Variants in GARNL3 observed in about 807,000 individuals in gnomAD.
GARNL3 encodes GTPase-activating Rap/Ran-GAP domain-like protein 3.
A neutral mutation model predicts 125.0 loss-of-function variants in GARNL3; 63 were observed. That is an observed-to-expected ratio of 0.50 (90% CI 0.41 to 0.62). GARNL3 has a LOEUF of 0.62. Ranked by LOEUF, GARNL3 falls within the 20% of genes least tolerant of loss-of-function variation. The pLI is 0.00. For synonymous variants in GARNL3, 439 were observed against 457.5 expected (o/e 0.96, Z 0.52); for missense variants, 994 against 1,244.0 (o/e 0.80, Z 3.02).
rs190598533 is a variant in GARNL3 at position 127,226,815 on chromosome 9, C to A, written c.-29+2477C>A. ...GATAACGGTCTCTGTGCTCATGGTG[C>A]TTACATGCTTGTTGCTGGAGCATGA... is the stretch of plus-strand genomic sequence containing the variant. On this transcript the variant is annotated intron_variant, in intron 1 of 10. Coordinates refer to the GARNL3 transcript ENST00000439286. Among the ~76,000 whole-genome samples, 210 of 152,336 alleles carry A rather than the reference C, an allele frequency of 1.4e-3. 1 individual carries two copies. Among genetic ancestry groups the A allele is most frequent in the Admixed American group, 0.011 (172 of 15,302 alleles).
chr9:127,334,645 G>A (rs945908725), intron 9 of GARNL3, among the ~76,000 whole-genome samples: 1 of 152,176 alleles, frequency 6.6e-6, no homozygotes, highest in Non-Finnish European at 1.5e-5. Context: ...GATACAGCCA[G>A]GCATTCTGCT....
Position 127,338,152 on chromosome 9 carries a change from A to G in GARNL3, c.1019A>G (p.Asp340Gly). 2 of 1,610,280 alleles carry G rather than the reference A, an allele frequency of 1.2e-6. No homozygotes were observed. The highest frequency in any genetic ancestry group is 1.3e-5 in the African/African-American group (1 of 74,976). ...TTAGTGAGATACAATCAACAAAATG[A>G]CAATTACAGGTAGGTAATGACTTTG... is the stretch of plus-strand genomic sequence containing the variant. Reference protein sequence around the residue: ...FALVRYNQQNDNYRLKIFSEE... With the variant: ...FALVRYNQQNGNYRLKIFSEE... The change falls in exon 12 of 28, where the codon GAC becomes GGC. Residue 340 changes from aspartate to glycine, a missense_variant. This residue lies in a region of GARNL3 where 728 missense variants were observed against 865.7 expected (regional missense o/e 0.84). Transcript: ENST00000373387.
In GARNL3 at chr9:127,392,183, A is replaced by G. The variant is rs2131851478; in HGVS notation, c.2871-900A>G. Among the ~76,000 whole-genome samples, 1 of 152,382 alleles carries G rather than the reference A, an allele frequency of 6.6e-6. No homozygotes were observed. Among genetic ancestry groups the G allele is most frequent in the Middle Eastern group, 3.4e-3 (1 of 294 alleles). ...GAGGCTGAGCCTCCTCTCAGAAGTC[A>G]TAACCTGACAAGGCCCCTGCCCTCA... On this transcript the variant is annotated intron_variant, in intron 27 of 27. Transcript: ENST00000373387. The surrounding 1 kb of genome is among the most constrained non-coding windows in gnomAD (Gnocchi z 5.2).
intron 1 of GARNL3, among the ~76,000 whole-genome samples, chr9:127,234,420 G>A (rs771011994): frequency 2.6e-5 from 4 of 152,152 alleles, no homozygotes; most frequent in Non-Finnish European, 5.9e-5. Flanking sequence ...TGAGACTCAC[G>A]GCTGGTTTTC....
At chr9:127,324,790 A>C (rs2065514765) in intron 6 of GARNL3, among the ~76,000 whole-genome samples, 1 of 152,338 alleles carries the variant, frequency 6.6e-6, no homozygotes, top group Admixed American at 6.5e-5. Context: ...GCCCAAACAC[A>C]GTTAAGAATG....
At chr9:127,377,065 A>G (rs1434264220) in intron 22 of GARNL3, among the ~76,000 whole-genome samples, 1 of 152,232 alleles carries the variant, frequency 6.6e-6, no homozygotes, top group Non-Finnish European at 1.5e-5. Context: ...CTCCATAAAT[A>G]TCTGCTAAGT....
chr9:127,369,763 C>T (rs771673063), intron 22 of GARNL3, among the ~76,000 whole-genome samples: 3 of 152,072 alleles, frequency 2.0e-5, no homozygotes, highest in Admixed American at 6.5e-5. Flanking sequence ...AAAAGAGAGG[C>T]GGGATGTAAT....
chr9:127,358,485 C>T (rs1191118839), intron 21 of GARNL3, among the ~76,000 whole-genome samples: 2 of 152,182 alleles, frequency 1.3e-5, no homozygotes, highest in East Asian at 3.8e-4. Context: ...CAGAATTCTT[C>T]CAATTATGCT....
At position 127,266,583 on chromosome 9, in the gene GARNL3, C is replaced by T. The variant is rs2063710847; in HGVS notation, c.144+1562C>T. Among the ~76,000 whole-genome samples the T allele has an allele frequency of 6.6e-6, 1 of 152,188 alleles. No individual in the cohort carries two copies. Among genetic ancestry groups the T allele is most frequent in the African/African-American group, 2.4e-5 (1 of 41,440 alleles). ...TTTCATCATTCACTAATTGTATGATCTTGGACTTCCTTTAGCATCAGTTTT... is the reference window on the plus strand; with the variant it reads ...TTTCATCATTCACTAATTGTATGATTTTGGACTTCCTTTAGCATCAGTTTT... On this transcript the variant is annotated intron_variant, in intron 1 of 27. Transcript: ENST00000373387. This position sits in a 1 kb window ranked among gnomAD's most constrained non-coding sequence, Gnocchi z 4.0.
chr9:127,365,079 G>A, intron 21 of GARNL3: 1 of 494,134 alleles, frequency 2.0e-6, no homozygotes, highest in East Asian at 3.3e-5. Flanking sequence ...AAAGAATGGA[G>A]AGACTTTTCT....
intron 6 of GARNL3, among the ~76,000 whole-genome samples, chr9:127,323,743 T>G (rs1412678987): frequency 9.3e-6 from 1 of 107,924 alleles, no homozygotes; most frequent in Non-Finnish European, 1.8e-5. Flanking sequence ...CAGGAACAAT[T>G]AAACTGCACC....
At chr9:127,284,761 A>ATG (rs2064199778) in intron 1 of GARNL3, among the ~76,000 whole-genome samples, 1 of 149,070 alleles carries the variant, frequency 6.7e-6, no homozygotes, top group African/African-American at 2.5e-5. Flanking sequence ...AAATATATGC[A>ATG]TATAAATAAA....
intron 22 of GARNL3, among the ~76,000 whole-genome samples, chr9:127,379,907 C>T (rs1434599670): frequency 2.0e-5 from 3 of 152,108 alleles, no homozygotes; most frequent in East Asian, 1.9e-4. Context: ...TGGCCGGGTG[C>T]GGTGGCTCAC....
At chr9:127,320,848 A>G (rs1048428060) in intron 6 of GARNL3, 70 bp downstream of exon 6, 4 of 1,042,260 alleles carry the variant, frequency 3.8e-6, no homozygotes, top group Non-Finnish European at 5.9e-6. Flanking sequence ...CTGACAGGTC[A>G]TCATAATCCT....
At chr9:127,237,895 T>C (rs1337830270) in intron 1 of GARNL3, among the ~76,000 whole-genome samples, 2 of 152,208 alleles carry the variant, frequency 1.3e-5, no homozygotes, top group Non-Finnish European at 2.9e-5. Flanking sequence ...GTCAGTTCCA[T>C]AGATCAAGCC....
intron 2 of GARNL3, among the ~76,000 whole-genome samples, chr9:127,301,831 A>G (rs1200928451): frequency 6.7e-6 from 1 of 150,098 alleles, no homozygotes. Flanking sequence ...GACCTCCCTT[A>G]CAGCTCACTT....
At chr9:127,306,118 T>C in intron 2 of GARNL3, among the ~76,000 whole-genome samples, 1 of 152,194 alleles carries the variant, frequency 6.6e-6, no homozygotes, top group South Asian at 2.1e-4. Flanking sequence ...TTTCCATGCC[T>C]TTGAATCCCC....
At chr9:127,276,652 C>T (rs956155579) in intron 1 of GARNL3, among the ~76,000 whole-genome samples, 2 of 152,220 alleles carry the variant, frequency 1.3e-5, no homozygotes, top group Non-Finnish European at 2.9e-5. Context: ...CTGAACTCAC[C>T]CTGTCTCTCT....
intron 2 of GARNL3, among the ~76,000 whole-genome samples, chr9:127,292,968 T>A (rs144178956): frequency 2.7e-3 from 409 of 152,368 alleles, no homozygotes; most frequent in African/African-American, 9.3e-3. Context: ...TCTGTTGTGT[T>A]CAAAACACAG....
Sources: allele counts gnomAD v4.1 joint callset (sites outside exome capture counted in the v4.1 genomes callset), GRCh38; gene constraint gnomAD v4.1.1; regional missense constraint gnomAD v4.1.1; non-coding constraint Gnocchi (gnomAD v3.1); transcripts MANE v1.5; gene names NCBI Gene and HGNC (gene_info 2026-07-23, HGNC 2026-07-21).